The following MOB3B variants were observed in gnomAD, a reference collection of about 807,000 sequenced individuals.
MOB3B encodes MOB kinase activator-like 2B.
In MOB3B, 7 loss-of-function variants were observed where a neutral mutation model predicts 18.7. The observed-to-expected ratio is 0.37, with a 90% CI of 0.21 to 0.70. The LOEUF is 0.70. Ranked by LOEUF, MOB3B falls within the 30% of genes least tolerant of loss-of-function variation. The pLI, the probability that MOB3B is intolerant of heterozygous loss-of-function variation, is 0.52. For missense variants in MOB3B, 253 were observed against 281.3 expected, an observed-to-expected ratio of 0.90 and a Z score of 0.72; for synonymous variants, 111 against 99.9, an observed-to-expected ratio of 1.11 and a Z score of -0.66.
intron 2 of MOB3B, among the ~76,000 whole-genome samples, chr9:27,418,463 C>A (rs900221205): frequency 9.2e-5 from 14 of 152,064 alleles, no homozygotes; most frequent in African/African-American, 3.4e-4. Flanking sequence ...CCAAATCCAA[C>A]AACATATCAA....
At chr9:27,360,138 A>G (rs572468709) in intron 2 of MOB3B, among the ~76,000 whole-genome samples, 94 of 152,322 alleles carry the variant, frequency 6.2e-4, no homozygotes, top group Admixed American at 2.0e-3. Flanking sequence ...AGCGCCTAGA[A>G]CATAGTGAAA....
intron 2 of MOB3B, among the ~76,000 whole-genome samples, chr9:27,391,347 G>A (rs1275210363): frequency 6.6e-6 from 1 of 152,158 alleles, no homozygotes; most frequent in Non-Finnish European, 1.5e-5. Flanking sequence ...TAAATGAATG[G>A]TTGGGTGTGG....
rs537812663 is a variant in MOB3B at position 27,356,508 on chromosome 9, C to T, written c.621+2526G>A. Among the ~76,000 whole-genome samples, 7 of 152,268 alleles carry T rather than the reference C, an allele frequency of 4.6e-5. No individual in the cohort carries two copies. In the East Asian group the frequency reaches 1.4e-3, roughly 29 times the overall value. ...CTGAGTTTTCTGATAGCAAAGAAAG[C>T]CTTTCTCTACTTGATAACTTACACT... On this transcript the variant is annotated intron_variant, in intron 3 of 3. Transcript: ENST00000262244.
intron 1 of MOB3B, among the ~76,000 whole-genome samples, chr9:27,489,362 T>C (rs1020468374): frequency 1.3e-5 from 2 of 151,248 alleles, no homozygotes; most frequent in Admixed American, 6.6e-5. Flanking sequence ...CTTAGACTTA[T>C]ACCCAGCAGC....
At chr9:27,509,713 G>A (rs189584741) in intron 1 of MOB3B, among the ~76,000 whole-genome samples, 1 of 151,514 alleles carries the variant, frequency 6.6e-6, no homozygotes, top group East Asian at 2.0e-4. Context: ...CACCATGCCT[G>A]GCCTGTTTTT....
rs747518330 is a variant in MOB3B, at chr9:27,455,470, C to T, written c.81G>A (p.Arg27=). The part of the protein sequence containing the change: ...PKRKFEPGTQ[R]FELHKRAQAS... ...CCTGAGCCCGTTTGTGCAGCTCAAA[C>T]CTCTGTGTGCCAGGTTCAAATTTCC... Residue 27 remains arginine (R), a synonymous_variant, in exon 2 of 4, where the codon AGG becomes AGA. Coordinates refer to ENST00000262244, the MANE Select transcript of MOB3B (RefSeq NM_024761.5). The T allele has an allele frequency of 6.2e-7, 1 of 1,614,118 alleles. No homozygotes were observed. Among genetic ancestry groups the T allele is most frequent in the African/African-American group, 1.3e-5 (1 of 74,944 alleles).
intron 3 of MOB3B, among the ~76,000 whole-genome samples, chr9:27,348,644 C>G (rs1156617447): frequency 6.6e-6 from 1 of 151,258 alleles, no homozygotes; most frequent in Admixed American, 6.6e-5. Flanking sequence ...CAGAGCAAGA[C>G]TCCATCTCAA....
At chr9:27,458,062 T>C (rs1044798168) in intron 1 of MOB3B, among the ~76,000 whole-genome samples, 2 of 152,234 alleles carry the variant, frequency 1.3e-5, no homozygotes, top group African/African-American at 2.4e-5. Flanking sequence ...AGTCCTTCTA[T>C]GTCTCAAATG....
At chr9:27,503,938 G>A (rs1484671023) in intron 1 of MOB3B, among the ~76,000 whole-genome samples, 2 of 152,322 alleles carry the variant, frequency 1.3e-5, no homozygotes, top group East Asian at 3.9e-4. Flanking sequence ...AGAGCCCCCT[G>A]TGCATCACAG....
chr9:27,390,878 A>G lies in MOB3B; in HGVS notation c.419-31642T>C, dbSNP rs535243501. Among the ~76,000 whole-genome samples the G allele has an allele frequency of 2.6e-5, 4 of 152,298 alleles. No individual in the cohort carries two copies. In the South Asian group the frequency reaches 8.3e-4, roughly 32 times the overall value. ...TACCCTTATAAAAGCCTTAAGCTCC[A>G]GAAAGCTTCCTCCCCGCTTCCACCA... On this transcript the variant is annotated intron_variant, in intron 2 of 3. Transcript: ENST00000262244.
At chr9:27,384,598 A>G (rs958375124) in intron 2 of MOB3B, among the ~76,000 whole-genome samples, 4 of 152,222 alleles carry the variant, frequency 2.6e-5, no homozygotes, top group African/African-American at 9.6e-5. Context: ...ATTCTTCCAG[A>G]ACAATTCCAG....
intron 2 of MOB3B, 33 bp from the exon 3 acceptor site, chr9:27,359,269 C>G (rs758898962): frequency 2.5e-6 from 4 of 1,583,662 alleles, no homozygotes; most frequent in Admixed American, 1.7e-5. Context: ...AGAATGAAAC[C>G]ATGATGGGAT....
At chr9:27,429,585 T>G (rs1822388089) in intron 2 of MOB3B, among the ~76,000 whole-genome samples, 1 of 152,178 alleles carries the variant, frequency 6.6e-6, no homozygotes, top group African/African-American at 2.4e-5. Flanking sequence ...ATTGTCTTAC[T>G]GTGTCTTAGT....
At chr9:27,433,799 A>C (rs1261085580) in intron 2 of MOB3B, among the ~76,000 whole-genome samples, 3 of 152,194 alleles carry the variant, frequency 2.0e-5, no homozygotes, top group African/African-American at 7.2e-5. Flanking sequence ...AACCTGCTAA[A>C]CTACTGAATC....
chr9:27,469,875 C>T (rs937657503), intron 1 of MOB3B, among the ~76,000 whole-genome samples: 1 of 151,984 alleles, frequency 6.6e-6, no homozygotes, highest in Non-Finnish European at 1.5e-5. Flanking sequence ...CGCTTGAAGC[C>T]AGGAATTAGA....
intron 1 of MOB3B, among the ~76,000 whole-genome samples, chr9:27,496,456 T>G (rs974703480): frequency 9.9e-5 from 15 of 152,234 alleles, no homozygotes; most frequent in African/African-American, 2.7e-4. Context: ...GCTCTTTTGT[T>G]GCAAAGTGGG....
intron 2 of MOB3B, among the ~76,000 whole-genome samples, chr9:27,440,133 T>C (rs922581978): frequency 1.1e-4 from 17 of 152,220 alleles, no homozygotes; most frequent in African/African-American, 2.9e-4. Flanking sequence ...ACACATTTCA[T>C]GTAGCATAAG....
intron 2 of MOB3B, among the ~76,000 whole-genome samples, chr9:27,420,433 A>G (rs1436276321): frequency 6.6e-6 from 1 of 151,100 alleles, no homozygotes; most frequent in Non-Finnish European, 1.5e-5. Context: ...CGAGTGGATA[A>G]AGAAACTATG....
chr9:27,406,723 C>T (rs1392110795), intron 2 of MOB3B, among the ~76,000 whole-genome samples: 1 of 152,132 alleles, frequency 6.6e-6, no homozygotes, highest in Admixed American at 6.6e-5. Context: ...CTTTTCATCA[C>T]ATACAAAAAT....
Sources: gnomAD v4.1 joint callset for allele counts (sites outside exome capture counted in the v4.1 genomes callset) on GRCh38, gnomAD v4.1.1 for gene constraint, MANE v1.5 for transcripts, NCBI Gene and HGNC (gene_info 2026-07-23, HGNC 2026-07-21) for gene names.